COL12A1: variants seen among roughly 807,000 people sequenced by gnomAD.
COL12A1 encodes the protein collagen alpha-1(XII) chain.
COL12A1 carries 114 observed loss-of-function variants against 349.7 expected under a neutral mutation model. The observed-to-expected ratio is 0.33, with a 90% CI of 0.28 to 0.38. COL12A1 has a LOEUF of 0.38. Among genes scored for constraint, COL12A1 ranks in the 10% least tolerant of loss-of-function variants. The pLI, the probability that COL12A1 is intolerant of heterozygous loss-of-function variation, is 1.00. For synonymous variants in COL12A1, 1,369 were observed against 1,329.0 expected, an observed-to-expected ratio of 1.03 and a Z score of -0.66; for missense variants, 3,284 against 3,756.9, an observed-to-expected ratio of 0.87 and a Z score of 3.29.
chr6:75,174,372 T>A (rs557634231), intron 13 of COL12A1, among the ~76,000 whole-genome samples: 3 of 151,932 alleles, frequency 2.0e-5, no homozygotes, highest in South Asian at 2.1e-4. Context: ...CTGGCTAACA[T>A]GGTGAAACCC....
intron 59 of COL12A1, among the ~76,000 whole-genome samples, chr6:75,095,536 G>A (rs1767967075): frequency 6.7e-6 from 1 of 149,982 alleles, no homozygotes; most frequent in Non-Finnish European, 1.5e-5. Context: ...AGAATGGCGT[G>A]AACCCAGGAA....
At chr6:75,138,083 T>C (rs1419781555) in intron 30 of COL12A1, among the ~76,000 whole-genome samples, 3 of 152,054 alleles carry the variant, frequency 2.0e-5, no homozygotes, top group Admixed American at 1.3e-4. Context: ...TAAATTTCTG[T>C]TATTTATGCC....
At chr6:75,136,844 T>C (rs954485651) in intron 31 of COL12A1, among the ~76,000 whole-genome samples, 3 of 152,090 alleles carry the variant, frequency 2.0e-5, no homozygotes, top group Non-Finnish European at 4.4e-5. Context: ...TTCTATTAAA[T>C]AGGGAAAGAC....
chr6:75,187,786 G>A (rs1479374579), intron 8 of COL12A1, among the ~76,000 whole-genome samples: 1 of 152,070 alleles, frequency 6.6e-6, no homozygotes, highest in Non-Finnish European at 1.5e-5. Flanking sequence ...ATGTTCAAAA[G>A]GATGCTTTTG....
In COL12A1 at chr6:75,189,681, T is replaced by C. The variant is rs375778726; in HGVS notation, c.529A>G (p.Thr177Ala). The change falls in exon 6 of 66, where the codon ACA (threonine) becomes GCA (alanine). Residue 177 changes from threonine (T) to alanine (A), a missense_variant. Thr to Ala is a moderately conservative substitution (Grantham distance 58). Around this residue, in one of 2 missense-constraint regions of COL12A1, gnomAD observed 2,601 missense variants for 2,824.8 expected, o/e 0.92. Coordinates refer to ENST00000322507, the MANE Select transcript of COL12A1 (RefSeq NM_004370.6). Reference protein sequence around the residue: ...VSAFDIGEEKTRVGVVQYSSD... With the variant: ...VSAFDIGEEKARVGVVQYSSD... The stretch of plus-strand genomic sequence containing the variant: ...CTGTATTGAACAACTCCAACTCTTG[T>C]CTTCTCTTCCCCAATGTCAAAAGCA... The C allele has an allele frequency of 1.9e-6, 3 of 1,613,366 alleles. No homozygotes were observed. The highest frequency in any genetic ancestry group is 2.7e-5 in the African/African-American group (2 of 74,888).
chr6:75,171,349 T>C (rs1712207534), intron 13 of COL12A1, among the ~76,000 whole-genome samples: 1 of 152,220 alleles, frequency 6.6e-6, no homozygotes, highest in African/African-American at 2.4e-5. Flanking sequence ...ACTTCCCCAA[T>C]GCCAGTGCTA....
At chr6:75,154,120 A>G (rs1767631204) in intron 17 of COL12A1, among the ~76,000 whole-genome samples, 1 of 151,724 alleles carries the variant, frequency 6.6e-6, no homozygotes, top group Admixed American at 6.6e-5. Flanking sequence ...TACATTAATT[A>G]CATCACTAAT....
At chr6:75,135,651 T>G (rs1017580394) in intron 31 of COL12A1, among the ~76,000 whole-genome samples, 1 of 152,224 alleles carries the variant, frequency 6.6e-6, no homozygotes. Context: ...GATGGCTGGA[T>G]GTGCTAGAAC....
intron 16 of COL12A1, among the ~76,000 whole-genome samples, chr6:75,155,208 A>G (rs939489236): frequency 6.6e-6 from 1 of 152,000 alleles, no homozygotes; most frequent in African/African-American, 2.4e-5. Flanking sequence ...GCTGGCACCC[A>G]CAAGGTCCTG....
chr6:75,107,682 C>T (rs1375583533), intron 52 of COL12A1, among the ~76,000 whole-genome samples: 1 of 152,170 alleles, frequency 6.6e-6, no homozygotes, highest in Non-Finnish European at 1.5e-5. Flanking sequence ...AAATTATTAC[C>T]AAGTGCTTGA....
In COL12A1 at chr6:75,090,003, G is replaced by C. The variant is rs1767679098; in HGVS notation, c.8941+107C>G. On this transcript the variant is annotated intron_variant, in intron 63 of 65. Coordinates refer to ENST00000322507, the MANE Select transcript of COL12A1 (RefSeq NM_004370.6). This position sits in a 1 kb window ranked among gnomAD's most constrained non-coding sequence, Gnocchi z 4.1. Reference sequence around the variant, plus strand: ...TTCTGAGGCTGTCCAAACAAGACCAGGGAAAGCAGTTTGCCTAGGTCACCT... The same window carrying C: ...TTCTGAGGCTGTCCAAACAAGACCACGGAAAGCAGTTTGCCTAGGTCACCT... 1 of 1,216,368 alleles carries C rather than the reference G, an allele frequency of 8.2e-7. No individual in the cohort carries two copies. The highest frequency in any genetic ancestry group is 1.2e-6 in the Non-Finnish European group (1 of 847,470). 75.3% of individuals were successfully genotyped at this position (1,216,368 alleles called of 1,614,324 possible). A position where few individuals can be genotyped will look rare whatever the true frequency, so the allele number is the denominator to read the frequency against.
At chr6:75,108,889 A>G in intron 52 of COL12A1, 129 bp downstream of exon 52, 1 of 962,778 alleles carries the variant, frequency 1.0e-6, no homozygotes, top group Non-Finnish European at 1.6e-6. Flanking sequence ...TTTTGATCTG[A>G]CCAAGAAATT....
chr6:75,132,027 G>C lies in COL12A1; in HGVS notation c.5850C>G (p.Leu1950=), dbSNP rs779833436. The C allele has an allele frequency of 6.2e-7, 1 of 1,614,138 alleles. No homozygotes were observed. The highest frequency in any genetic ancestry group is 1.1e-5 in the South Asian group (1 of 91,084). The stretch of plus-strand genomic sequence containing the variant: ...CTGGAGCAGGGTCCCAGCGAACATC[G>C]AGGCTGTTAGGTGTAGGATTGTATA... The part of the protein sequence containing the change: ...VQVYNPTPNS[L]DVRWDPAPGP... The change falls in exon 35 of 66, where the codon CTC becomes CTG. Residue 1950 remains leucine (L), a synonymous_variant. Coordinates refer to ENST00000322507, the MANE Select transcript of COL12A1 (RefSeq NM_004370.6).
Position 75,156,300 on chromosome 6 carries a change from G to A in COL12A1, c.3207C>T (p.Tyr1069=). ...GCCTAAGCTTTCCTTCTCCCATCTT[G>A]TAAATAGGAAGAACTGTGATGTCAT... ...TTYDITVLPI[Y]KMGEGKLRQG... is the part of the protein sequence containing the mutation. Residue 1069 remains tyrosine, a synonymous_variant, in exon 15 of 66, where the codon TAC becomes TAT. Coordinates refer to ENST00000322507, the MANE Select transcript of COL12A1 (RefSeq NM_004370.6). The A allele has an allele frequency of 1.2e-6, 2 of 1,613,750 alleles. No homozygotes were observed. The highest frequency in any genetic ancestry group is 2.2e-5 in the South Asian group (2 of 91,070).
intron 25 of COL12A1, 108 bp from the exon 26 acceptor site, chr6:75,143,496 G>A: frequency 8.1e-7 from 1 of 1,241,886 alleles, no homozygotes; most frequent in Non-Finnish European, 1.1e-6. Context: ...AAAGGTGTTT[G>A]GCAAAATAAC....
chr6:75,133,777 G>C, intron 33 of COL12A1, 81 bp downstream of exon 33: 1 of 1,525,800 alleles, frequency 6.6e-7, no homozygotes, highest in Non-Finnish European at 9.0e-7. Flanking sequence ...AAGCAAACTG[G>C]TTAACTCCTT....
chr6:75,170,054 C>A (rs1768544354), intron 13 of COL12A1, among the ~76,000 whole-genome samples: 1 of 152,130 alleles, frequency 6.6e-6, no homozygotes, highest in Non-Finnish European at 1.5e-5. Flanking sequence ...TGCTTTTTTC[C>A]ACATACCAAG....
intron 27 of COL12A1, among the ~76,000 whole-genome samples, chr6:75,140,537 T>A (rs573967358): frequency 6.6e-6 from 1 of 151,222 alleles, no homozygotes; most frequent in South Asian, 2.1e-4. Context: ...GCACCTGTAG[T>A]CCCAGCTACT....
At chr6:75,126,573 A>C in intron 38 of COL12A1, 103 bp from the exon 39 acceptor site, 10 of 1,207,676 alleles carry the variant, frequency 8.3e-6, no homozygotes, top group Non-Finnish European at 1.0e-5. Context: ...GAGCAATTTC[A>C]TAATATCCCA....
Sources: gnomAD v4.1 joint callset for allele counts (sites outside exome capture counted in the v4.1 genomes callset) on GRCh38, gnomAD v4.1.1 for gene constraint, gnomAD v4.1.1 regional missense constraint, Gnocchi (gnomAD v3.1) non-coding constraint, MANE v1.5 for transcripts, NCBI Gene and HGNC (gene_info 2026-07-23, HGNC 2026-07-21) for gene names.